The following MAP2K5 variants were observed in gnomAD, a reference collection of about 807,000 sequenced individuals.
The protein encoded by MAP2K5 is mitogen-activated protein kinase kinase 5.
In MAP2K5, 49 loss-of-function variants were observed where a neutral mutation model predicts 83.1. The ratio of observed to expected loss-of-function variants is 0.59; its 90% CI spans 0.47 to 0.75. The LOEUF (loss-of-function observed/expected upper bound fraction) is 0.75, where lower values mean the gene tolerates loss of function less well. Ranked by LOEUF, MAP2K5 falls within the 30% of genes least tolerant of loss-of-function variation. The pLI is 0.00. For missense variants in MAP2K5, 457 were observed against 557.5 expected (o/e 0.82, Z 1.82); for synonymous variants, 202 against 191.8 (o/e 1.05, Z -0.44).
At chr15:67,791,393 G>T (rs1469813196) in intron 21 of MAP2K5, among the ~76,000 whole-genome samples, 1 of 152,110 alleles carries the variant, frequency 6.6e-6, no homozygotes, top group Non-Finnish European at 1.5e-5. Flanking sequence ...AGACTGACCT[G>T]TGAAGGCCAA....
intron 1 of MAP2K5, among the ~76,000 whole-genome samples, chr15:67,547,711 C>T (rs908473928): frequency 6.6e-6 from 1 of 152,126 alleles, no homozygotes; most frequent in Admixed American, 6.5e-5. Context: ...CCCACTTCGG[C>T]CCCCCAAAGT....
intron 13 of MAP2K5, among the ~76,000 whole-genome samples, chr15:67,681,871 A>G (rs1230899802): frequency 6.6e-6 from 1 of 152,214 alleles, no homozygotes; most frequent in Non-Finnish European, 1.5e-5. Context: ...CTTGCCTTCA[A>G]TAAAACTAAT....
intron 21 of MAP2K5, among the ~76,000 whole-genome samples, chr15:67,805,449 A>T (rs939580400): frequency 6.6e-6 from 1 of 152,180 alleles, no homozygotes; most frequent in Non-Finnish European, 1.5e-5. Flanking sequence ...TGGCTTTGTG[A>T]TGAGCTCGTG....
chr15:67,628,078 G>T (rs1183597831), intron 8 of MAP2K5: 1 of 747,540 alleles, frequency 1.3e-6, no homozygotes, highest in Non-Finnish European at 2.4e-6. Context: ...GCAAGGCCAC[G>T]CAAGGTGGAC....
intron 13 of MAP2K5, among the ~76,000 whole-genome samples, chr15:67,688,837 A>C (rs2088025390): frequency 6.6e-6 from 1 of 152,220 alleles, no homozygotes; most frequent in South Asian, 2.1e-4. Flanking sequence ...AACCCAGGTC[A>C]TATGTCTCCT....
chr15:67,681,959 A>T (rs1278090896), intron 13 of MAP2K5, among the ~76,000 whole-genome samples: 1 of 152,250 alleles, frequency 6.6e-6, no homozygotes, highest in Non-Finnish European at 1.5e-5. Context: ...TTTATAATCA[A>T]TCACTTTAAT....
rs2088921830 is a variant in MAP2K5 at position 67,720,152 on chromosome 15, C to T, written c.1045-7764C>T. 6.6e-6 allele frequency among the ~76,000 whole-genome samples: 1 copy of T among 151,976 alleles called. No homozygotes were observed. The highest frequency in any genetic ancestry group is 1.9e-4 in the East Asian group (1 of 5,190). The stretch of plus-strand genomic sequence containing the variant: ...ATGGCCTAGTTAAAATTGTATATTC[C>T]ATTTAAACACAGTATCTAACCAAAA... On this transcript the variant is annotated intron_variant, in intron 16 of 21. Transcript: ENST00000178640. This position sits in a 1 kb window ranked among gnomAD's most constrained non-coding sequence, Gnocchi z 5.7.
intron 16 of MAP2K5, among the ~76,000 whole-genome samples, chr15:67,713,126 GA>G (rs757688643): frequency 6.6e-6 from 1 of 151,590 alleles, no homozygotes; most frequent in Non-Finnish European, 1.5e-5. Flanking sequence ...TATTCCTATA[GA>G]AAAAAAATCA....
chr15:67,603,073 G>A (rs1365871542), intron 8 of MAP2K5, among the ~76,000 whole-genome samples: 1 of 150,316 alleles, frequency 6.7e-6, no homozygotes, highest in African/African-American at 2.4e-5. Context: ...TTTAAATTGT[G>A]GTGAAATACA....
chr15:67,791,913 C>T (rs1187402570), intron 21 of MAP2K5, among the ~76,000 whole-genome samples: 1 of 152,176 alleles, frequency 6.6e-6, no homozygotes, highest in African/African-American at 2.4e-5. Context: ...CCCTCACCAC[C>T]AGGGAGAATG....
chr15:67,681,571 A>G (rs6494688), intron 13 of MAP2K5, among the ~76,000 whole-genome samples: 149,645 of 152,354 alleles, frequency 0.98, 73,560 homozygotes, highest in Middle Eastern at 1. Flanking sequence ...GAGCCACTTT[A>G]CATTGTGCCT....
chr15:67,554,574 T>C (rs2084586295), intron 2 of MAP2K5, among the ~76,000 whole-genome samples: 1 of 152,180 alleles, frequency 6.6e-6, no homozygotes, highest in Non-Finnish European at 1.5e-5. Context: ...TTCTGAGAAA[T>C]GGCGTCTCTT....
At chr15:67,551,852 AAAG>A (rs1345519096) in intron 2 of MAP2K5, among the ~76,000 whole-genome samples, 2 of 152,314 alleles carry the variant, frequency 1.3e-5, no homozygotes, top group East Asian at 3.9e-4. Flanking sequence ...CAGTGACTAA[AAAG>A]AATGAGTTAG....
At chr15:67,642,719 G>A (rs988251778) in intron 9 of MAP2K5, among the ~76,000 whole-genome samples, 1 of 152,136 alleles carries the variant, frequency 6.6e-6, no homozygotes, top group Non-Finnish European at 1.5e-5. Flanking sequence ...AGTGGGAAGA[G>A]GAGTTAGAAT....
Position 67,801,296 on chromosome 15 carries a change from C to T in MAP2K5, c.1243-5350C>T, listed in dbSNP as rs1392138719. On this transcript the variant is annotated intron_variant, in intron 21 of 21. Coordinates refer to ENST00000178640, the MANE Select transcript of MAP2K5 (RefSeq NM_145160.3). The surrounding 1 kb of genome is among the most constrained non-coding windows in gnomAD (Gnocchi z 4.8). Reference sequence around the variant, plus strand: ...GCCTCTCAAATCACCATTTACAGGGCAGTCACCTGATCACAGGGCTGCCCT... The same window carrying T: ...GCCTCTCAAATCACCATTTACAGGGTAGTCACCTGATCACAGGGCTGCCCT... 6.6e-6 allele frequency among the ~76,000 whole-genome samples: 1 copy of T among 152,190 alleles called. No individual in the cohort carries two copies. The highest frequency in any genetic ancestry group is 1.5e-5 in the Non-Finnish European group (1 of 68,040).
chr15:67,620,121 C>T (rs115246887), intron 8 of MAP2K5, among the ~76,000 whole-genome samples: 80 of 152,108 alleles, frequency 5.3e-4, no homozygotes, highest in African/African-American at 1.8e-3. Context: ...CCTGTAATCC[C>T]GCACTTTGGG....
rs1435323900 is a variant in MAP2K5, at chr15:67,747,253, A to G, written c.1075-978A>G. Among the ~76,000 whole-genome samples, 1 of 152,220 alleles carries G rather than the reference A, an allele frequency of 6.6e-6. No homozygotes were observed. Among genetic ancestry groups the G allele is most frequent in the African/African-American group, 2.4e-5 (1 of 41,456 alleles). ...GAAAGAATTTTTTAAAACACCTTTA[A>G]AAACATATAAGGGATTATTACTAGT... On this transcript the variant is annotated intron_variant, in intron 17 of 21. Transcript: ENST00000178640. The surrounding 1 kb of genome is among the most constrained non-coding windows in gnomAD (Gnocchi z 4.1).
In MAP2K5 at chr15:67,628,812, A is replaced by T. The variant is rs1320492142; in HGVS notation, c.546-2076A>T. 13 of 750,316 alleles carry T rather than the reference A, an allele frequency of 1.7e-5. No homozygotes were observed. The Admixed American group carries it at 2.2e-4, about 13-fold the overall frequency. The allele number at this position is 750,316 out of a possible 1,614,324, so 46.5% of individuals were successfully genotyped here. A position where few individuals can be genotyped will look rare whatever the true frequency, so the allele number is the denominator to read the frequency against. ...GGAGGTGTTTTTAGTGGGAATGACAATTTTGGTCATGGACGAAACTTCAGT... is the reference window on the plus strand; with the variant it reads ...GGAGGTGTTTTTAGTGGGAATGACATTTTTGGTCATGGACGAAACTTCAGT... On this transcript the variant is annotated intron_variant, in intron 8 of 21. Coordinates refer to ENST00000178640, the MANE Select transcript of MAP2K5 (RefSeq NM_145160.3).
In MAP2K5 at chr15:67,668,369, T is replaced by C. The variant is rs2087440730; in HGVS notation, c.847+3724T>C. Among the ~76,000 whole-genome samples the C allele has an allele frequency of 6.6e-6, 1 of 152,186 alleles. No individual in the cohort carries two copies. Among genetic ancestry groups the C allele is most frequent in the Admixed American group, 6.6e-5 (1 of 15,262 alleles). On this transcript the variant is annotated intron_variant, in intron 13 of 21. Transcript: ENST00000178640. This position sits in a 1 kb window ranked among gnomAD's most constrained non-coding sequence, Gnocchi z 4.0. ...CACATGAGGACATAATCATTAAAAATGTTTGAAATGCCCACCAAATTAACT... is the reference window on the plus strand; with the variant it reads ...CACATGAGGACATAATCATTAAAAACGTTTGAAATGCCCACCAAATTAACT...
Sources: gnomAD v4.1 joint callset for allele counts (sites outside exome capture counted in the v4.1 genomes callset) on GRCh38, gnomAD v4.1.1 for gene constraint, Gnocchi (gnomAD v3.1) non-coding constraint, MANE v1.5 for transcripts, NCBI Gene and HGNC (gene_info 2026-07-23, HGNC 2026-07-21) for gene names.